INPPL1: variants seen among roughly 807,000 people sequenced by gnomAD.
INPPL1 encodes the protein inositol polyphosphate phosphatase like 1, also known as phosphatidylinositol 3,4,5-trisphosphate 5-phosphatase 2.
Under a neutral mutation model 139.3 loss-of-function variants are expected in INPPL1, and 91 were observed. The observed-to-expected ratio is 0.65, with a 90% CI of 0.55 to 0.78. The LOEUF is 0.78. INPPL1 is among the 30% of genes least tolerant of loss of function. The probability of loss-of-function intolerance (pLI) is 0.00; values close to 1 mark genes in which losing one functional copy is unlikely to be tolerated. For synonymous variants in INPPL1, 719 were observed against 686.6 expected, an observed-to-expected ratio of 1.05 and a Z score of -0.74; for missense variants, 1,411 against 1,665.6, an observed-to-expected ratio of 0.85 and a Z score of 2.66.
Position 72,230,177 on chromosome 11 carries a change from C to G in INPPL1, c.996C>G (p.Phe332Leu), listed in dbSNP as rs1262263936. Residue 332 changes from phenylalanine (F) to leucine (L), a missense_variant, in exon 9 of 28, where the codon TTC (phenylalanine) becomes TTG (leucine). Around this residue, in one of 5 missense-constraint regions of INPPL1, gnomAD observed 504 missense variants for 595.6 expected, o/e 0.85. Transcript: ENST00000298229. ...DLTKIGKSQK[F>L]TLSVDVEGGR... ...CCAAGATTGGGAAGTCACAGAAGTT[C>G]ACGCTGAGCGTGGATGTGGAGGGTG... 1.9e-6 allele frequency: 3 copies of G among 1,611,818 alleles called. No individual in the cohort carries two copies. Among genetic ancestry groups the G allele is most frequent in the Admixed American group, 3.3e-5 (2 of 59,874 alleles).
Position 72,228,564 on chromosome 11 carries a change from C to T in INPPL1, c.397+66C>T. 1 of 1,577,748 alleles carries T rather than the reference C, an allele frequency of 6.3e-7. No homozygotes were observed. ...TTGGCTCTACCTGCCTCTTCCCATC[C>T]CCCCTTCTCAACCCCACCTCTCCTG... On this transcript the variant is annotated intron_variant, in intron 3 of 27. Coordinates refer to ENST00000298229, the MANE Select transcript of INPPL1 (RefSeq NM_001567.4). This position sits in a 1 kb window ranked among gnomAD's most constrained non-coding sequence, Gnocchi z 5.0.
At chr11:72,231,372 T>C in intron 12 of INPPL1, 126 bp from the exon 13 acceptor site, 1 of 935,772 alleles carries the variant, frequency 1.1e-6, no homozygotes, top group South Asian at 1.5e-5. Context: ...TTCTCTCCAG[T>C]CCGTCAGGAA....
chr11:72,224,508 G>C (rs879717595), upstream of INPPL1, among the ~76,000 whole-genome samples: 1 of 150,948 alleles, frequency 6.6e-6, no homozygotes, highest in Non-Finnish European at 1.5e-5. Flanking sequence ...CCTGGATCCC[G>C]AAGTGTCGGG....
In INPPL1 at chr11:72,235,974, C is replaced by T. The variant is rs776264000; in HGVS notation, c.2867C>T (p.Pro956Leu). Residue 956 changes from proline (P) to leucine (L), a missense_variant, in exon 25 of 28, where the codon CCC becomes CTC. Transcript: ENST00000298229. This position sits in a 1 kb window ranked among gnomAD's most constrained non-coding sequence, Gnocchi z 4.9. Reference protein sequence around the residue: ...APPRAAPREEPLTPRLKPEGA... With the variant: ...APPRAAPREELLTPRLKPEGA... ...CCCCGAGCAGCTCCCCGGGAGGAGC[C>T]CTTGACCCCCAGGTGAGAGGAGGAA... 2.3e-5 allele frequency: 37 copies of T among 1,593,104 alleles called. No homozygotes were observed. Among genetic ancestry groups the T allele is most frequent in the Admixed American group, 3.5e-5 (2 of 57,028 alleles).
chr11:72,231,405 C>G, intron 12 of INPPL1, 93 bp from the exon 13 acceptor site: 1 of 1,106,388 alleles, frequency 9.0e-7, no homozygotes, highest in South Asian at 1.3e-5. Flanking sequence ...GCCTTCCTAC[C>G]CTGTGATGGA....
At chr11:72,231,474 G>A in intron 12 of INPPL1, 24 bp from the exon 13 acceptor site, 2 of 1,545,212 alleles carry the variant, frequency 1.3e-6, no homozygotes, top group Non-Finnish European at 1.8e-6. Context: ...GCAGGGCAGT[G>A]GTGACCATGC....
At chr11:72,225,553 G>A in intron 1 of INPPL1, 1 of 984,732 alleles carries the variant, frequency 1.0e-6, no homozygotes, top group Non-Finnish European at 1.2e-6. Flanking sequence ...GAGCAGGAGA[G>A]GGAGTCGGGG....
rs1948813429 is a variant in INPPL1, at chr11:72,230,871, TCA to T, written c.1274_1275del (p.Ser425CysfsTer40). 1 of 1,613,840 alleles carries T rather than the reference TCA, an allele frequency of 6.2e-7. No homozygotes were observed. Among genetic ancestry groups the T allele is most frequent in the South Asian group, 1.1e-5 (1 of 91,080 alleles). ...CAAGCAGGACGAGCCCGACATGATCTCAGTCTTCATAGGCACCTGGAACATGG... is the reference window on the plus strand; with the variant it reads ...CAAGCAGGACGAGCCCGACATGATCTGTCTTCATAGGCACCTGGAACATGG... ...HSKQDEPDMI[S>X]VFIGTWNMGS... On this transcript the variant is annotated frameshift_variant, in exon 11 of 28. Transcript: ENST00000298229. LOFTEE classifies it high-confidence loss of function.
Position 72,232,307 on chromosome 11 carries a change from C to T in INPPL1, c.1683C>T (p.His561=). ...NGTSFGFVNC[H]LTSGNEKTAR... ...CCTCATTTGGCTTTGTGAATTGTCA[C>T]CTCACCTCGGGAAATGAGAAGACGG... Residue 561 remains histidine (H), a synonymous_variant, in exon 14 of 28, where the codon CAC becomes CAT. Coordinates refer to ENST00000298229, the MANE Select transcript of INPPL1 (RefSeq NM_001567.4). 6 of 1,553,930 alleles carry T rather than the reference C, an allele frequency of 3.9e-6. No individual in the cohort carries two copies. The highest frequency in any genetic ancestry group is 5.2e-6 in the Non-Finnish European group (6 of 1,148,046).
Position 72,230,726 on chromosome 11 carries a change from G to A in INPPL1, c.1198-70G>A, listed in dbSNP as rs1948808484. 3.1e-6 allele frequency: 4 copies of A among 1,310,446 alleles called. No homozygotes were observed. The South Asian group carries it at 5.0e-5, about 16-fold the overall frequency. The allele number at this position is 1,310,446 out of a possible 1,614,324, so 81.2% of individuals were successfully genotyped here. A position where few individuals can be genotyped will look rare whatever the true frequency, so the allele number is the denominator to read the frequency against. On this transcript the variant is annotated intron_variant, in intron 10 of 27. Transcript: ENST00000298229. Reference sequence around the variant, plus strand: ...TCTCCTCATGGACATGAGCCAACTGGCAGGGTATCCCTGTGGACGGGGGGC... The same window carrying A: ...TCTCCTCATGGACATGAGCCAACTGACAGGGTATCCCTGTGGACGGGGGGC...
Position 72,233,826 on chromosome 11 carries a change from CTATG to C in INPPL1, c.2212+85_2212+88del. The C allele has an allele frequency of 1.3e-5, 14 of 1,106,956 alleles. No individual in the cohort carries two copies. In the South Asian group the frequency reaches 1.5e-4, roughly 12 times the overall value. 68.6% of individuals were successfully genotyped at this position (1,106,956 alleles called of 1,614,324 possible). A position where few individuals can be genotyped will look rare whatever the true frequency, so the allele number is the denominator to read the frequency against. ...GGCCTCGGGATGTACATAGGTTTGA[CTATG>C]TAAGTGTGTGTGTGGGTGTGTGTAC... On this transcript the variant is annotated intron_variant, in intron 19 of 27. Coordinates refer to ENST00000298229, the MANE Select transcript of INPPL1 (RefSeq NM_001567.4).
intron 10 of INPPL1, 86 bp downstream of exon 10, chr11:72,230,554 C>T (rs1948804156): frequency 1.5e-6 from 2 of 1,290,396 alleles, no homozygotes; most frequent in South Asian, 1.2e-5. Context: ...AAAGGGAACA[C>T]ATGATGTAGG....
chr11:72,232,745 G>A lies in INPPL1; in HGVS notation c.1832G>A (p.Arg611His), dbSNP rs773085707. 1.2e-5 allele frequency: 20 copies of A among 1,613,904 alleles called. No homozygotes were observed. The highest frequency in any genetic ancestry group is 2.2e-5 in the South Asian group (2 of 91,060). ...TTCTGGTTTGGGGACCTCAACTACC[G>A]CCTGGACATGGATATCCAGGTGCGA... ...HLFWFGDLNYRLDMDIQEILN... is the reference protein window; with the variant it reads ...HLFWFGDLNYHLDMDIQEILN... Residue 611 changes from arginine to histidine, a missense_variant, in exon 15 of 28, where the codon CGC (arginine) becomes CAC (histidine). Coordinates refer to ENST00000298229, the MANE Select transcript of INPPL1 (RefSeq NM_001567.4).
chr11:72,228,571 C>A lies in INPPL1; in HGVS notation c.397+73C>A. ...TACCTGCCTCTTCCCATCCCCCCTTCTCAACCCCACCTCTCCTGTAACCCC... is the reference window on the plus strand; with the variant it reads ...TACCTGCCTCTTCCCATCCCCCCTTATCAACCCCACCTCTCCTGTAACCCC... On this transcript the variant is annotated intron_variant, in intron 3 of 27. Coordinates refer to ENST00000298229, the MANE Select transcript of INPPL1 (RefSeq NM_001567.4). This position sits in a 1 kb window ranked among gnomAD's most constrained non-coding sequence, Gnocchi z 5.0. 6.4e-7 allele frequency: 1 copy of A among 1,568,452 alleles called. No individual in the cohort carries two copies. The highest frequency in any genetic ancestry group is 8.7e-7 in the Non-Finnish European group (1 of 1,155,682).
In INPPL1 at chr11:72,234,321, G is replaced by A; in HGVS notation, c.2253G>A (p.Glu751=). The A allele has an allele frequency of 1.2e-6, 2 of 1,614,170 alleles. No homozygotes were observed. Among genetic ancestry groups the A allele is most frequent in the Non-Finnish European group, 1.7e-6 (2 of 1,180,018 alleles). Residue 751 remains glutamate, a synonymous_variant, in exon 20 of 28, where the codon GAG becomes GAA. Transcript: ENST00000298229. This position sits in a 1 kb window ranked among gnomAD's most constrained non-coding sequence, Gnocchi z 4.2. ...CAGACCAGGCCTACATTGAGTTTGA[G>A]AGCATCGAGGCCATTGTGAAGACAG... ...KTSDQAYIEF[E]SIEAIVKTAS...
In INPPL1 at chr11:72,235,042, CAG is replaced by C. The variant is rs1027654863; in HGVS notation, c.2416-73_2416-72del. The stretch of plus-strand genomic sequence containing the variant: ...CCTGAGGGTGGGGATTGAGTGGTGT[CAG>C]GGGGCAGCGCGTAGGAGGGGCAGGA... On this transcript the variant is annotated intron_variant, in intron 21 of 27. Transcript: ENST00000298229. The surrounding 1 kb of genome is among the most constrained non-coding windows in gnomAD (Gnocchi z 4.9). 3.8e-5 allele frequency: 47 copies of C among 1,235,996 alleles called. 2 individuals carry two copies. The highest frequency in any genetic ancestry group is 2.2e-4 in the Middle Eastern group (1 of 4,484). The allele number at this position is 1,235,996 out of a possible 1,614,324, so 76.6% of individuals were successfully genotyped here.
At position 72,238,549 on chromosome 11, in the gene INPPL1, C is replaced by T. The variant is rs919564218; in HGVS notation, c.*196C>T. Reference sequence around the variant, plus strand: ...GCCCTAATTAGGGCATCCTGCCCCTCGCCTTTTAGGCTCAGGACGGAAGGT... The same window carrying T: ...GCCCTAATTAGGGCATCCTGCCCCTTGCCTTTTAGGCTCAGGACGGAAGGT... On this transcript the variant is annotated 3_prime_UTR_variant, in exon 28 of 28. Coordinates refer to ENST00000298229, the MANE Select transcript of INPPL1 (RefSeq NM_001567.4). 1.9e-5 allele frequency: 9 copies of T among 469,206 alleles called. No homozygotes were observed. Among genetic ancestry groups the T allele is most frequent in the African/African-American group, 1.6e-4 (8 of 49,318 alleles). The allele number at this position is 469,206 out of a possible 1,614,324, so 29.1% of individuals were successfully genotyped here.
chr11:72,232,087 G>T (rs909713307), intron 13 of INPPL1, among the ~76,000 whole-genome samples, 153 bp from the exon 14 acceptor site: 4 of 152,184 alleles, frequency 2.6e-5, no homozygotes, highest in African/African-American at 9.7e-5. Context: ...CCTCCCCCAG[G>T]GAAGGTGTGG....
In INPPL1 at chr11:72,231,193, A is replaced by AG. The variant is rs759811309; in HGVS notation, c.1497+11dup. ...TACGGATCTGGATTACCGCCCGGTG[A>AG]GGGGGGGTCATCTTGTCCAGGACCC... On this transcript the variant is annotated splice_donor_region_variant and intron_variant, in intron 12 of 27. Coordinates refer to ENST00000298229, the MANE Select transcript of INPPL1 (RefSeq NM_001567.4). The AG allele has an allele frequency of 2.7e-5, 43 of 1,607,598 alleles. No homozygotes were observed. Among genetic ancestry groups the AG allele is most frequent in the Admixed American group, 5.0e-5 (3 of 59,716 alleles).
Sources: allele counts gnomAD v4.1 joint callset (sites outside exome capture counted in the v4.1 genomes callset), GRCh38; gene constraint gnomAD v4.1.1; regional missense constraint gnomAD v4.1.1; non-coding constraint Gnocchi (gnomAD v3.1); transcripts MANE v1.5; gene names NCBI Gene and HGNC (gene_info 2026-07-23, HGNC 2026-07-21).